Variants in ATP2C2 observed in about 807,000 individuals in gnomAD.
The protein encoded by ATP2C2 is calcium-transporting ATPase type 2C member 2.
ATP2C2 carries 171 observed loss-of-function variants against 110.8 expected under a neutral mutation model. The ratio of observed to expected loss-of-function variants is 1.54; its 90% CI spans 1.36 to 1.75. The LOEUF is 1.75. Ranked by LOEUF, ATP2C2 falls within the 40% of genes most tolerant of loss-of-function variation. ATP2C2 has a pLI of 0.00. For synonymous variants in ATP2C2, 804 were observed against 508.4 expected, an observed-to-expected ratio of 1.58 and a Z score of -7.82; for missense variants, 1,963 against 1,235.0, an observed-to-expected ratio of 1.59 and a Z score of -8.84.
At chr16:84,438,299 C>T (rs1908924583) in intron 11 of ATP2C2, among the ~76,000 whole-genome samples, 2 of 152,252 alleles carry the variant, frequency 1.3e-5, no homozygotes, top group Non-Finnish European at 2.9e-5. Context: ...CTACAGCCCA[C>T]CCCTGGCTAT....
At chr16:84,393,553 G>A (rs1460620470) in intron 1 of ATP2C2, among the ~76,000 whole-genome samples, 1 of 152,190 alleles carries the variant, frequency 6.6e-6, no homozygotes, top group South Asian at 2.1e-4. Flanking sequence ...GATAGAGACA[G>A]CAAGTATAGA....
chr16:84,455,067 T>A, intron 21 of ATP2C2, 83 bp downstream of exon 21: 23 of 974,024 alleles, frequency 2.4e-5, no homozygotes, highest in East Asian at 4.9e-5. Context: ...ACTGTGGAGA[T>A]AGAGGGGGGG....
At chr16:84,396,518 C>G (rs1412444743) in intron 1 of ATP2C2, among the ~76,000 whole-genome samples, 1 of 146,314 alleles carries the variant, frequency 6.8e-6, no homozygotes, top group East Asian at 2.0e-4. Context: ...CCACTGCACT[C>G]CAGCCTGGGT....
Position 84,430,368 on chromosome 16 carries a change from C to T in ATP2C2, c.986+4567C>T, listed in dbSNP as rs140300507. 4.7e-3 allele frequency among the ~76,000 whole-genome samples: 722 copies of T among 152,268 alleles called. 7 individuals are homozygous for T. The highest frequency in any genetic ancestry group is 0.016 in the African/African-American group (676 of 41,550). The stretch of plus-strand genomic sequence containing the variant: ...AGTAAAGTCAGTTCTGGGCCGGGTG[C>T]GGTGGCTCACGTCTGTAATCCCAGC... On this transcript the variant is annotated intron_variant, in intron 11 of 26. Transcript: ENST00000262429.
intron 2 of ATP2C2, among the ~76,000 whole-genome samples, chr16:84,400,310 G>C (rs1905237140): frequency 6.7e-6 from 1 of 149,630 alleles, no homozygotes; most frequent in South Asian, 2.1e-4. Flanking sequence ...TCATATAATA[G>C]TTGTATTTTT....
intron 2 of ATP2C2, among the ~76,000 whole-genome samples, chr16:84,400,663 A>C (rs920550815): frequency 6.6e-6 from 1 of 152,114 alleles, no homozygotes; most frequent in Admixed American, 6.5e-5. Context: ...CAAACTGTTC[A>C]CCAGTCATAC....
intron 17 of ATP2C2, among the ~76,000 whole-genome samples, chr16:84,450,557 G>A (rs974889063): frequency 3.3e-5 from 5 of 152,148 alleles, no homozygotes; most frequent in African/African-American, 1.2e-4. Context: ...GGTTGGCAAA[G>A]CCCAGGTTCA....
intron 1 of ATP2C2, among the ~76,000 whole-genome samples, chr16:84,387,992 G>C (rs34956100): frequency 0.12 from 17,565 of 151,372 alleles, 1,028 homozygotes; most frequent in East Asian, 0.17. Flanking sequence ...TCATCTGCTG[G>C]TCTCGGGTGA....
intron 9 of ATP2C2, 82 bp downstream of exon 9, chr16:84,422,779 C>A: frequency 1.4e-6 from 2 of 1,395,060 alleles, no homozygotes; most frequent in Non-Finnish European, 9.8e-7. Flanking sequence ...GCCTTGCCTA[C>A]TCCTTAGGAA....
At chr16:84,424,599 T>TTTGTA (rs376880864) in intron 10 of ATP2C2, among the ~76,000 whole-genome samples, 3 of 131,250 alleles carry the variant, frequency 2.3e-5, no homozygotes, top group African/African-American at 8.8e-5. Context: ...TTTTTTTTTT[T>TTTGTA]AACATTTTGG....
At chr16:84,379,118 T>C (rs1240145991) in intron 1 of ATP2C2, among the ~76,000 whole-genome samples, 1 of 150,014 alleles carries the variant, frequency 6.7e-6, no homozygotes, top group Non-Finnish European at 1.5e-5. Context: ...TCTTCCCCTC[T>C]CTTCCCCTCC....
chr16:84,446,508 C>T (rs1270408066), intron 16 of ATP2C2, 78 bp downstream of exon 16: 7 of 1,034,680 alleles, frequency 6.8e-6, no homozygotes. Context: ...ATGCAGACTT[C>T]AAGGATAATT....
In ATP2C2 at chr16:84,461,793, C is replaced by A; in HGVS notation, c.2561C>A (p.Ala854Asp). The A allele has an allele frequency of 6.2e-7, 1 of 1,614,172 alleles. No homozygotes were observed. Among genetic ancestry groups the A allele is most frequent in the South Asian group, 1.1e-5 (1 of 91,090 alleles). The change falls in exon 25 of 27, where the codon GCC becomes GAC. Residue 854 changes from alanine (A) to aspartate (D), a missense_variant. By Grantham distance (126) the Ala-to-Asp change is moderately radical (BLOSUM62 -2). Coordinates refer to ENST00000262429, the MANE Select transcript of ATP2C2 (RefSeq NM_014861.4). ...TTTGTGTTTTTCGATCTCTTCAACG[C>A]CTTGACCTGCCGCTCTCAGGTGAGA... ...TCFVFFDLFN[A>D]LTCRSQTKLI...
Position 84,459,838 on chromosome 16 carries a change from G to A in ATP2C2, c.2333+452G>A, listed in dbSNP as rs147687450. On this transcript the variant is annotated intron_variant, in intron 23 of 26. Coordinates refer to ENST00000262429, the MANE Select transcript of ATP2C2 (RefSeq NM_014861.4). Reference sequence around the variant, plus strand: ...TTTAGAACATCAGTTTCATGGAGGCGGAGTTTGTGTTTCATCCCTGATGTC... The same window carrying A: ...TTTAGAACATCAGTTTCATGGAGGCAGAGTTTGTGTTTCATCCCTGATGTC... The A allele has an allele frequency of 3.9e-4, 168 of 427,332 alleles. 2 individuals carry two copies. The highest frequency in any genetic ancestry group is 2.5e-3 in the African/African-American group (125 of 49,946). The allele number at this position is 427,332 out of a possible 1,614,324, so 26.5% of individuals were successfully genotyped here. A position where few individuals can be genotyped will look rare whatever the true frequency, so the allele number is the denominator to read the frequency against.
chr16:84,375,809 C>T (rs1250691293), intron 1 of ATP2C2, among the ~76,000 whole-genome samples: 1 of 152,132 alleles, frequency 6.6e-6, no homozygotes, highest in Non-Finnish European at 1.5e-5. Context: ...TAATCTTGTG[C>T]ATTTTCCAAA....
rs574140000 is a variant in ATP2C2, at chr16:84,406,792, G to A, written c.327+1548G>A. 8 of 324,786 alleles carry A rather than the reference G, an allele frequency of 2.5e-5. No homozygotes were observed. The East Asian group carries it at 1.2e-3, about 49-fold the overall frequency. The allele number at this position is 324,786 out of a possible 1,614,324, so 20.1% of individuals were successfully genotyped here. Reference sequence around the variant, plus strand: ...GGAGGAGCTCCCCTCTGCGGCTGGAGATCTCTTTGCTCTGCCCTGGCACCC... The same window carrying A: ...GGAGGAGCTCCCCTCTGCGGCTGGAAATCTCTTTGCTCTGCCCTGGCACCC... On this transcript the variant is annotated intron_variant, in intron 3 of 26. Coordinates refer to ENST00000262429, the MANE Select transcript of ATP2C2 (RefSeq NM_014861.4).
At chr16:84,399,811 T>C (rs1009272553) in intron 2 of ATP2C2, among the ~76,000 whole-genome samples, 1 of 152,224 alleles carries the variant, frequency 6.6e-6, no homozygotes, top group Non-Finnish European at 1.5e-5. Context: ...ACAATTAAAT[T>C]ATTTTTGACA....
chr16:84,461,104 C>G lies in ATP2C2; in HGVS notation c.2481+303C>G, dbSNP rs140638079. 1.3e-5 allele frequency: 5 copies of G among 385,234 alleles called. No homozygotes were observed. In the East Asian group the frequency reaches 2.4e-4, roughly 18 times the overall value. The allele number at this position is 385,234 out of a possible 1,614,324, so 23.9% of individuals were successfully genotyped here. A position where few individuals can be genotyped will look rare whatever the true frequency, so the allele number is the denominator to read the frequency against. ...CAGGCTGCCCCCTGTTCCCTTGTCA[C>G]CAGGAAACAATTTGAAATCTGCTAA... On this transcript the variant is annotated intron_variant, in intron 24 of 26. Coordinates refer to ENST00000262429, the MANE Select transcript of ATP2C2 (RefSeq NM_014861.4).
Position 84,440,899 on chromosome 16 carries a change from C to G in ATP2C2, c.1252C>G (p.Leu418Val), listed in dbSNP as rs757630547. The part of the protein sequence containing the change: ...GYDGQGTVCL[L>V]PSKEVIKEFS... ...TGACGGTCAAGGGACTGTGTGTCTT[C>G]TACCATCCAAGGAAGTCATTAAGGA... The change falls in exon 14 of 27, where the codon CTA (leucine) becomes GTA (valine). Residue 418 changes from leucine (L) to valine (V), a missense_variant. Physicochemically the swap from Leu to Val is conservative, Grantham distance 32. Coordinates refer to ENST00000262429, the MANE Select transcript of ATP2C2 (RefSeq NM_014861.4). 4 of 1,613,668 alleles carry G rather than the reference C, an allele frequency of 2.5e-6. No homozygotes were observed. The highest frequency in any genetic ancestry group is 2.5e-6 in the Non-Finnish European group (3 of 1,179,968).
Sources: gnomAD v4.1 joint callset for allele counts (sites outside exome capture counted in the v4.1 genomes callset) on GRCh38, gnomAD v4.1.1 for gene constraint, MANE v1.5 for transcripts, NCBI Gene and HGNC (gene_info 2026-07-23, HGNC 2026-07-21) for gene names.